The following UBXN2A variants were observed in gnomAD, a reference collection of about 807,000 sequenced individuals.
UBXN2A encodes UBX domain-containing protein 2A.
A neutral mutation model predicts 28.4 loss-of-function variants in UBXN2A; 28 were observed. The ratio of observed to expected loss-of-function variants is 0.99; its 90% confidence interval spans 0.73 to 1.35. The LOEUF is 1.35. UBXN2A is among the 40% of genes most tolerant of loss of function. The probability of loss-of-function intolerance (pLI) is 0.00; values close to 1 mark genes in which losing one functional copy is unlikely to be tolerated. For synonymous variants in UBXN2A, 97 were observed against 103.6 expected (o/e 0.94, Z 0.39); for missense variants, 253 against 297.9 (o/e 0.85, Z 1.11).
At chr2:23,975,380 C>T (rs1243365064) in intron 3 of UBXN2A, among the ~76,000 whole-genome samples, 2 of 152,070 alleles carry the variant, frequency 1.3e-5, no homozygotes, top group East Asian at 3.8e-4. Flanking sequence ...TTTCTAACTA[C>T]ATAACTGTAT....
intron 6 of UBXN2A, among the ~76,000 whole-genome samples, chr2:23,990,973 C>A (rs1442341841): frequency 6.6e-6 from 1 of 152,022 alleles, no homozygotes; most frequent in South Asian, 2.1e-4. Flanking sequence ...TTTTCCTCAC[C>A]CCACTTGGCC....
intron 3 of UBXN2A, among the ~76,000 whole-genome samples, chr2:23,974,436 C>T (rs1707565522): frequency 6.6e-6 from 1 of 151,634 alleles, no homozygotes; most frequent in South Asian, 2.1e-4. Context: ...AGCTCCGCCT[C>T]CCGGGTTCAC....
At chr2:23,998,702 CAG>C (rs1708634695) in intron 6 of UBXN2A, among the ~76,000 whole-genome samples, 1 of 152,102 alleles carries the variant, frequency 6.6e-6, no homozygotes. Context: ...GCCCAGGCAA[CAG>C]AGCTAGACTC....
At chr2:23,982,605 G>C (rs1707958209) in intron 4 of UBXN2A, among the ~76,000 whole-genome samples, 1 of 151,986 alleles carries the variant, frequency 6.6e-6, no homozygotes, top group African/African-American at 2.4e-5. Context: ...AGACCAGCCT[G>C]GACAAGACCC....
chr2:23,934,131 G>T (rs187206534), intron 1 of UBXN2A, among the ~76,000 whole-genome samples: 1 of 152,112 alleles, frequency 6.6e-6, no homozygotes, highest in South Asian at 2.1e-4. Context: ...CAGGATAATC[G>T]CTTGAATGCG....
At chr2:23,941,165 G>T (rs1193134153) in intron 1 of UBXN2A, among the ~76,000 whole-genome samples, 1 of 151,746 alleles carries the variant, frequency 6.6e-6, no homozygotes, top group East Asian at 1.9e-4. Context: ...AGTAATAAAA[G>T]AGTTTATTAC....
intron 1 of UBXN2A, among the ~76,000 whole-genome samples, chr2:23,958,012 A>G (rs934349954): frequency 6.6e-6 from 1 of 152,196 alleles, no homozygotes; most frequent in East Asian, 1.9e-4. Flanking sequence ...TTTTCCTCCC[A>G]AAGTGCTGGA....
At chr2:23,929,413 TAA>T (rs79621828) in intron 1 of UBXN2A, among the ~76,000 whole-genome samples, 2 of 132,312 alleles carry the variant, frequency 1.5e-5, no homozygotes, top group Non-Finnish European at 1.6e-5. Context: ...AAAAAATATT[TAA>T]AAAAAAAAAA....
intron 6 of UBXN2A, among the ~76,000 whole-genome samples, chr2:23,993,519 T>C (rs1387320364): frequency 9.2e-5 from 14 of 152,100 alleles, no homozygotes. Flanking sequence ...CTTTTTGCTA[T>C]TTTTGTCAAC....
At chr2:23,941,752 A>G (rs760355407) in intron 1 of UBXN2A, among the ~76,000 whole-genome samples, 14 of 152,188 alleles carry the variant, frequency 9.2e-5, no homozygotes, top group Non-Finnish European at 1.3e-4. Context: ...TAGACTCTAC[A>G]GTGTCATTGG....
chr2:23,966,522 A>G (rs1375585748), intron 2 of UBXN2A, among the ~76,000 whole-genome samples: 3 of 140,082 alleles, frequency 2.1e-5, no homozygotes, highest in African/African-American at 2.7e-5. Context: ...GCGTGATCTC[A>G]GCTCACTGCA....
At chr2:23,971,602 C>T (rs968862946) in intron 3 of UBXN2A, among the ~76,000 whole-genome samples, 188 bp downstream of exon 3, 4 of 152,092 alleles carry the variant, frequency 2.6e-5, no homozygotes, top group African/African-American at 9.7e-5. Context: ...AGTCCTCCTG[C>T]CTCAGCATTC....
At chr2:23,943,146 G>A (rs1333225760) in intron 1 of UBXN2A, among the ~76,000 whole-genome samples, 2 of 151,872 alleles carry the variant, frequency 1.3e-5, no homozygotes, top group Admixed American at 6.6e-5. Context: ...TGGTAGAGAC[G>A]GGGTTTCACT....
At chr2:23,966,375 T>A in intron 2 of UBXN2A, among the ~76,000 whole-genome samples, 1 of 151,868 alleles carries the variant, frequency 6.6e-6, no homozygotes, top group Non-Finnish European at 1.5e-5. Flanking sequence ...GACCTCGTGA[T>A]CCGCCCACCT....
At chr2:23,992,877 C>T (rs927409625) in intron 6 of UBXN2A, among the ~76,000 whole-genome samples, 1 of 152,154 alleles carries the variant, frequency 6.6e-6, no homozygotes, top group Non-Finnish European at 1.5e-5. Context: ...TTAAAACTAT[C>T]TCTTGTAAAT....
intron 1 of UBXN2A, among the ~76,000 whole-genome samples, chr2:23,952,258 C>CA (rs1706408808): frequency 6.6e-6 from 1 of 151,994 alleles, no homozygotes; most frequent in South Asian, 2.1e-4. Context: ...TGAGCCATCA[C>CA]ACCCGGCTGC....
intron 6 of UBXN2A, chr2:23,997,204 G>A (rs2150923150): frequency 6.6e-6 from 1 of 152,300 alleles, no homozygotes; most frequent in Non-Finnish European, 1.5e-5. Context: ...TTACAAGTGT[G>A]AGCCAGCCTA....
At chr2:23,956,886 C>T (rs894845078) in intron 1 of UBXN2A, among the ~76,000 whole-genome samples, 2 of 152,190 alleles carry the variant, frequency 1.3e-5, no homozygotes, top group African/African-American at 4.8e-5. Flanking sequence ...CTACACCTGT[C>T]ACTTGGTGTC....
intron 1 of UBXN2A, among the ~76,000 whole-genome samples, chr2:23,947,632 G>A (rs1048167588): frequency 4.6e-5 from 7 of 152,152 alleles, no homozygotes; most frequent in Admixed American, 1.3e-4. Flanking sequence ...AAATGACTGC[G>A]GTAATGGTGA....
Sources: gnomAD v4.1 joint callset for allele counts (sites outside exome capture counted in the v4.1 genomes callset) on GRCh38, gnomAD v4.1.1 for gene constraint, MANE v1.5 for transcripts, NCBI Gene and HGNC (gene_info 2026-07-23, HGNC 2026-07-21) for gene names.